SDK1: variants seen among roughly 807,000 people sequenced by gnomAD.
SDK1 encodes the protein sidekick cell adhesion molecule 1, also known as protein sidekick-1.
In SDK1, 157 loss-of-function variants were observed where a neutral mutation model predicts 245.5. The observed-to-expected ratio is 0.64, with a 90% CI of 0.56 to 0.73. The LOEUF (loss-of-function observed/expected upper bound fraction) is 0.73. Ranked by LOEUF, SDK1 falls within the 30% of genes least tolerant of loss-of-function variation. The pLI is 0.00. For synonymous variants in SDK1, 1,647 were observed against 1,278.5 expected (o/e 1.29, Z -6.15); for missense variants, 3,583 against 3,002.3 (o/e 1.19, Z -4.52).
At chr7:3,704,600 A>G (rs1019472540) in intron 4 of SDK1, among the ~76,000 whole-genome samples, 6 of 152,092 alleles carry the variant, frequency 3.9e-5, no homozygotes, top group Admixed American at 2.0e-4. Context: ...GCTTTGCTGG[A>G]TTCATAGTTT....
chr7:3,755,090 C>CTT (rs1162888323), intron 4 of SDK1, among the ~76,000 whole-genome samples: 1 of 152,176 alleles, frequency 6.6e-6, no homozygotes, highest in Non-Finnish European at 1.5e-5. Context: ...GGGAGCCATC[C>CTT]TTTGCTCTTG....
intron 1 of SDK1, among the ~76,000 whole-genome samples, chr7:3,349,024 C>G (rs1274238238): frequency 6.6e-6 from 1 of 151,866 alleles, no homozygotes; most frequent in African/African-American, 2.4e-5. Context: ...ATTTATGTGA[C>G]TGGTCTGCGC....
At chr7:3,729,960 T>C (rs190232605) in intron 4 of SDK1, among the ~76,000 whole-genome samples, 19 of 152,006 alleles carry the variant, frequency 1.2e-4, no homozygotes, top group Admixed American at 9.2e-4. Flanking sequence ...TAATTTTCAT[T>C]TTGTTGAACA....
chr7:3,483,639 T>C (rs73038551), intron 1 of SDK1, among the ~76,000 whole-genome samples: 14,801 of 152,216 alleles, frequency 0.097, 992 homozygotes, highest in African/African-American at 0.19. Flanking sequence ...TAATGGATGC[T>C]TCTAATATTT....
intron 1 of SDK1, among the ~76,000 whole-genome samples, chr7:3,433,214 A>G (rs900370911): frequency 6.6e-6 from 1 of 152,156 alleles, no homozygotes; most frequent in Non-Finnish European, 1.5e-5. Context: ...CGTCCACATT[A>G]TCTAGTTATC....
intron 5 of SDK1, among the ~76,000 whole-genome samples, chr7:3,943,346 T>C (rs1327278295): frequency 6.4e-5 from 1 of 15,540 alleles, no homozygotes; most frequent in Non-Finnish European, 1.3e-4. Flanking sequence ...GCAGCCACCT[T>C]GGCCTCTGCC....
intron 4 of SDK1, among the ~76,000 whole-genome samples, chr7:3,817,481 C>A (rs1357047636): frequency 6.6e-6 from 1 of 152,186 alleles, no homozygotes. Context: ...TGAATGTATA[C>A]TCTTACTCTT....
intron 1 of SDK1, among the ~76,000 whole-genome samples, chr7:3,375,199 TG>T (rs1289116219): frequency 1.3e-5 from 2 of 150,592 alleles, no homozygotes; most frequent in African/African-American, 4.9e-5. Flanking sequence ...AAAAAAATTG[TG>T]CATTGTGAGA....
intron 4 of SDK1, among the ~76,000 whole-genome samples, chr7:3,768,441 T>G (rs1334032195): frequency 6.6e-6 from 1 of 152,210 alleles, no homozygotes; most frequent in Admixed American, 6.5e-5. Flanking sequence ...ATCAGTAACT[T>G]CAAAGAGCAT....
intron 5 of SDK1, among the ~76,000 whole-genome samples, chr7:3,948,758 A>C (rs536099269): frequency 6.6e-6 from 1 of 152,284 alleles, no homozygotes; most frequent in East Asian, 1.9e-4. Flanking sequence ...AGCCCCCACC[A>C]GTCTGGGGAG....
intron 31 of SDK1, 70 bp from the exon 32 acceptor site, chr7:4,161,716 G>A (rs1162480581): frequency 7.8e-7 from 1 of 1,278,606 alleles, no homozygotes; most frequent in African/African-American, 1.5e-5. Flanking sequence ...CTCACTGAGG[G>A]TGGCCCTGGG....
intron 4 of SDK1, among the ~76,000 whole-genome samples, chr7:3,819,162 T>A (rs1222273673): frequency 6.6e-6 from 1 of 152,144 alleles, no homozygotes; most frequent in South Asian, 2.1e-4. Flanking sequence ...AAGACTTGGT[T>A]TCTGGGAAAT....
rs750826183 is a variant in SDK1, at chr7:4,130,100, A to G, written c.4129+3A>G. ...CCTGGAGCGCACCAAAGACGATGGT[A>G]GGTCCAGGGTTCGCGCCTTCGGGAG... On this transcript the variant is annotated splice_donor_region_variant and intron_variant, in intron 27 of 44. Transcript: ENST00000404826. 74 of 1,595,994 alleles carry G rather than the reference A, an allele frequency of 4.6e-5. No homozygotes were observed. Among genetic ancestry groups the G allele is most frequent in the Non-Finnish European group, 6.0e-5 (70 of 1,167,740 alleles).
chr7:4,259,883 T>G (rs12701516), intron 44 of SDK1, among the ~76,000 whole-genome samples: 28,571 of 152,154 alleles, frequency 0.19, 3,037 homozygotes, highest in Non-Finnish European at 0.24. Flanking sequence ...GGAGCTCAGG[T>G]GCAGGCTCCC....
At chr7:3,617,683 G>A (rs1482613178) in intron 1 of SDK1, among the ~76,000 whole-genome samples, 2 of 152,212 alleles carry the variant, frequency 1.3e-5, no homozygotes, top group Admixed American at 6.5e-5. Flanking sequence ...GCATGAGACA[G>A]AGGATGGGGG....
intron 4 of SDK1, among the ~76,000 whole-genome samples, chr7:3,698,874 C>G (rs1784656313): frequency 6.6e-6 from 1 of 152,304 alleles, no homozygotes; most frequent in East Asian, 1.9e-4. Context: ...TAAATGCCAT[C>G]TCATTAGAGT....
intron 1 of SDK1, among the ~76,000 whole-genome samples, chr7:3,403,146 C>G (rs1319086493): frequency 6.6e-6 from 1 of 152,020 alleles, no homozygotes; most frequent in African/African-American, 2.4e-5. Context: ...GTTGATCAGG[C>G]TGGTCTTGAA....
At chr7:3,686,696 G>C (rs1784293208) in intron 4 of SDK1, among the ~76,000 whole-genome samples, 1 of 152,190 alleles carries the variant, frequency 6.6e-6, no homozygotes, top group Admixed American at 6.5e-5. Context: ...CTCTGTTGCT[G>C]ACAGCTCTGA....
intron 17 of SDK1, among the ~76,000 whole-genome samples, chr7:4,035,708 G>A (rs924291066): frequency 6.6e-6 from 1 of 152,154 alleles, no homozygotes; most frequent in Non-Finnish European, 1.5e-5. Context: ...CAGAAAAATA[G>A]CAAGTTTCTT....
Sources: allele counts gnomAD v4.1 joint callset (sites outside exome capture counted in the v4.1 genomes callset), GRCh38; gene constraint gnomAD v4.1.1; transcripts MANE v1.5; gene names NCBI Gene and HGNC (gene_info 2026-07-23, HGNC 2026-07-21).